PCNX2: variants seen among roughly 807,000 people sequenced by gnomAD.
PCNX2 encodes the protein pecanex 2, also known as pecanex-like protein 2.
In PCNX2, 168 loss-of-function variants were observed where a neutral mutation model predicts 223.8. The ratio of observed to expected loss-of-function variants is 0.75; its 90% confidence interval spans 0.66 to 0.85. The LOEUF is 0.85. Ranked by LOEUF, PCNX2 falls within the 40% of genes least tolerant of loss-of-function variation. The probability of loss-of-function intolerance (pLI) is 0.00; values close to 1 mark genes in which losing one functional copy is unlikely to be tolerated. For missense variants in PCNX2, 2,507 were observed against 2,675.5 expected (o/e 0.94, Z 1.39); for synonymous variants, 1,006 against 1,052.6 (o/e 0.96, Z 0.86).
the PCNX2 span, among the ~76,000 whole-genome samples, chr1:233,325,569 G>A: frequency 6.6e-6 from 1 of 151,680 alleles, no homozygotes; most frequent in Non-Finnish European, 1.5e-5. Context: ...CCAGCTACTC[G>A]GGAGGCTGAG....
intron 8 of PCNX2, among the ~76,000 whole-genome samples, chr1:233,245,737 T>A (rs1572143989): frequency 6.6e-6 from 1 of 151,900 alleles, no homozygotes; most frequent in Non-Finnish European, 1.5e-5. Flanking sequence ...ACATGTTGAA[T>A]CCCCGTCTCT....
chr1:233,093,864 A>G (rs868061502), intron 22 of PCNX2, among the ~76,000 whole-genome samples: 2 of 152,376 alleles, frequency 1.3e-5, no homozygotes, highest in Middle Eastern at 3.4e-3. Flanking sequence ...GAATGTTTCC[A>G]TGTTGTAAGA....
Position 233,295,521 on chromosome 1 carries a change from G to A in PCNX2, c.-43C>T, listed in dbSNP as rs757995208. 1.4e-6 allele frequency: 2 copies of A among 1,478,130 alleles called. No homozygotes were observed. The highest frequency in any genetic ancestry group is 1.4e-5 in the African/African-American group (1 of 69,296). The allele number at this position is 1,478,130 out of a possible 1,614,324, so 91.6% of individuals were successfully genotyped here. ...GCTGGTGAGCGCCCCGCTGCACCCT[G>A]CGCGCCCCGGCCGGATCTCCAGGCT... On this transcript the variant is annotated 5_prime_UTR_variant, in exon 1 of 34. Transcript: ENST00000258229. The surrounding 1 kb of genome is among the most constrained non-coding windows in gnomAD (Gnocchi z 4.1).
rs144637082 is a variant in PCNX2, at chr1:233,091,279, A to G, written c.3947-1089T>C. 3.5e-4 allele frequency among the ~76,000 whole-genome samples: 53 copies of G among 152,184 alleles called. No individual in the cohort carries two copies. The East Asian group carries it at 7.5e-3, about 22-fold the overall frequency. On this transcript the variant is annotated intron_variant, in intron 22 of 33. Transcript: ENST00000258229. ...AGTTGTTGACAGCTGTATCTCTCTC[A>G]CTGCTGAACTAAGGAGGATCTTATT...
rs536060641 is a variant in PCNX2, at chr1:233,001,463, G to C, written c.5097+74C>G. The stretch of plus-strand genomic sequence containing the variant: ...CATTGCACCCCAGCCTGGGCAACAA[G>C]AGCGAAACTCCATCTCATAAATAAA... On this transcript the variant is annotated intron_variant, in intron 29 of 33. Coordinates refer to ENST00000258229, the MANE Select transcript of PCNX2 (RefSeq NM_014801.4). The surrounding 1 kb of genome is among the most constrained non-coding windows in gnomAD (Gnocchi z 4.2). The C allele has an allele frequency of 3.7e-4, 373 of 1,014,130 alleles. No homozygotes were observed. Among genetic ancestry groups the C allele is most frequent in the Non-Finnish European group, 4.4e-4 (363 of 816,780 alleles). 62.8% of individuals were successfully genotyped at this position (1,014,130 alleles called of 1,614,324 possible). A position where few individuals can be genotyped will look rare whatever the true frequency, so the allele number is the denominator to read the frequency against.
chr1:233,215,677 A>G, intron 12 of PCNX2, among the ~76,000 whole-genome samples: 1 of 152,202 alleles, frequency 6.6e-6, no homozygotes, highest in East Asian at 1.9e-4. Flanking sequence ...AAACAGCGAC[A>G]CTGAAGTGCA....
At chr1:233,322,876 CCTT>C in the PCNX2 span, among the ~76,000 whole-genome samples, 1 of 152,130 alleles carries the variant, frequency 6.6e-6, no homozygotes, top group African/African-American at 2.4e-5. Context: ...TTTCCTCTAC[CCTT>C]CTTCGTCTTT....
intron 28 of PCNX2, among the ~76,000 whole-genome samples, chr1:233,009,196 C>T (rs1670384136): frequency 2.0e-5 from 3 of 152,200 alleles, no homozygotes; most frequent in Admixed American, 1.3e-4. Flanking sequence ...AATGCATTAA[C>T]TCTCCTAACT....
intron 21 of PCNX2, among the ~76,000 whole-genome samples, chr1:233,129,945 T>G (rs1033819497): frequency 6.6e-6 from 1 of 152,178 alleles, no homozygotes; most frequent in African/African-American, 2.4e-5. Context: ...GCAATAAACC[T>G]TTTTGCTGCT....
At position 232,986,137 on chromosome 1, in the gene PCNX2, G is replaced by A. The variant is rs867564371; in HGVS notation, c.6195C>T (p.Asn2065=). 6.4e-7 allele frequency: 1 copy of A among 1,570,824 alleles called. No homozygotes were observed. Among genetic ancestry groups the A allele is most frequent in the Non-Finnish European group, 8.6e-7 (1 of 1,157,320 alleles). The change falls in exon 33 of 34, where the codon AAC becomes AAT. Residue 2065 remains asparagine, a synonymous_variant. Transcript: ENST00000258229. ...CCCTGGCTGAGGGGCCCATCACGATGTTGACGCTGCTGGATGACTGGGTGT... is the reference window on the plus strand; with the variant it reads ...CCCTGGCTGAGGGGCCCATCACGATATTGACGCTGCTGGATGACTGGGTGT... ...TSDTQSSSSV[N]IVMGPSARAA...
intron 15 of PCNX2, among the ~76,000 whole-genome samples, 157 bp from the exon 16 acceptor site, chr1:233,179,332 A>G (rs1443725279): frequency 6.6e-6 from 1 of 152,184 alleles, no homozygotes; most frequent in Non-Finnish European, 1.5e-5. Flanking sequence ...TGGTGGGCAC[A>G]CAAAAAACTC....
chr1:233,317,368 C>T, the PCNX2 span, among the ~76,000 whole-genome samples: 30 of 152,066 alleles, frequency 2.0e-4, no homozygotes, highest in African/African-American at 7.0e-4. Context: ...GAGCTGAGAT[C>T]GTGCCACTGC....
Position 233,246,173 on chromosome 1 carries a change from GATAA to G in PCNX2, c.2222+4562_2222+4565del, listed in dbSNP as rs1403180593. 1.3e-3 allele frequency among the ~76,000 whole-genome samples: 196 copies of G among 152,044 alleles called. 1 individual carries two copies. Among genetic ancestry groups the G allele is most frequent in the South Asian group, 4.1e-3 (20 of 4,822 alleles). On this transcript the variant is annotated intron_variant, in intron 8 of 33. Coordinates refer to ENST00000258229, the MANE Select transcript of PCNX2 (RefSeq NM_014801.4). ...GATGGGATAAATGCCCTTCAGATGG[GATAA>G]ATGCCCTTCAGATGGGATAAATGCC...
At chr1:233,111,904 C>T (rs1452897175) in intron 21 of PCNX2, among the ~76,000 whole-genome samples, 4 of 152,160 alleles carry the variant, frequency 2.6e-5, no homozygotes, top group Non-Finnish European at 4.4e-5. Flanking sequence ...GTTCATCAAG[C>T]GCATAGGCTA....
At chr1:233,074,559 C>T (rs1435425255) in intron 23 of PCNX2, among the ~76,000 whole-genome samples, 2 of 131,648 alleles carry the variant, frequency 1.5e-5, no homozygotes, top group African/African-American at 2.8e-5. Context: ...CCCGCCACTG[C>T]ACTCCAGCCT....
the PCNX2 span, among the ~76,000 whole-genome samples, chr1:233,307,192 T>G: frequency 3.7e-3 from 562 of 152,328 alleles, 2 homozygotes; most frequent in Admixed American, 8.7e-3. Context: ...CTACTTAATA[T>G]ACTTTGGATA....
chr1:233,183,308 G>A (rs1011668949), intron 15 of PCNX2, among the ~76,000 whole-genome samples: 31 of 152,126 alleles, frequency 2.0e-4, no homozygotes, highest in African/African-American at 6.5e-4. Flanking sequence ...ATTAGACACC[G>A]GACTCCCCAA....
intron 32 of PCNX2, among the ~76,000 whole-genome samples, chr1:232,995,250 C>T (rs1669838258): frequency 6.6e-6 from 1 of 152,138 alleles, no homozygotes; most frequent in South Asian, 2.1e-4. Context: ...TCATAAATCT[C>T]CCCAACCCTC....
intron 20 of PCNX2, among the ~76,000 whole-genome samples, chr1:233,136,603 T>C (rs748400259): frequency 6.6e-6 from 1 of 152,168 alleles, no homozygotes; most frequent in Non-Finnish European, 1.5e-5. Context: ...GGAAAGTCTG[T>C]CTTTAGCCTC....
Sources: allele counts gnomAD v4.1 joint callset (sites outside exome capture counted in the v4.1 genomes callset), GRCh38; gene constraint gnomAD v4.1.1; non-coding constraint Gnocchi (gnomAD v3.1); transcripts MANE v1.5; gene names NCBI Gene and HGNC (gene_info 2026-07-23, HGNC 2026-07-21).